Variants in USP34 observed in about 807,000 individuals in gnomAD.
USP34 encodes the protein ubiquitin specific peptidase 34, also known as ubiquitin carboxyl-terminal hydrolase 34.
USP34 carries 70 observed loss-of-function variants against 460.3 expected under a neutral mutation model. That is an observed-to-expected ratio of 0.15 (90% CI 0.13 to 0.19). USP34 has a LOEUF of 0.19. Ranked by LOEUF, USP34 falls within the 10% of genes least tolerant of loss-of-function variation. The pLI is 1.00. For missense variants in USP34, 3,985 were observed against 4,236.2 expected, an observed-to-expected ratio of 0.94 and a Z score of 1.65; for synonymous variants, 1,647 against 1,405.3, an observed-to-expected ratio of 1.17 and a Z score of -3.85.
intron 1 of USP34, among the ~76,000 whole-genome samples, chr2:61,432,434 G>A (rs184393179): frequency 2.0e-5 from 3 of 152,178 alleles, no homozygotes; most frequent in Non-Finnish European, 4.4e-5. Flanking sequence ...CCAGGAGCAT[G>A]CCACTGCACT....
intron 48 of USP34, among the ~76,000 whole-genome samples, chr2:61,255,634 C>T (rs1224774370): frequency 1.3e-5 from 2 of 152,192 alleles, no homozygotes; most frequent in Non-Finnish European, 2.9e-5. Context: ...GAAAGGCTAG[C>T]TAGTACAAAA....
chr2:61,293,376 A>G (rs1465004329), intron 33 of USP34, 88 bp downstream of exon 33: 1 of 975,706 alleles, frequency 1.0e-6, no homozygotes, highest in East Asian at 2.5e-5. Context: ...AAGGAACTAT[A>G]TGGCAAAAGC....
chr2:61,414,697 G>A (rs1190800410), intron 2 of USP34, among the ~76,000 whole-genome samples: 2 of 152,206 alleles, frequency 1.3e-5, no homozygotes, highest in Admixed American at 1.3e-4. Flanking sequence ...GAAAATGAAA[G>A]TATATTCCAC....
At chr2:61,222,736 AC>A in intron 64 of USP34, 73 bp from the exon 65 acceptor site, 1 of 1,426,830 alleles carries the variant, frequency 7.0e-7, no homozygotes, top group Non-Finnish European at 9.7e-7. Flanking sequence ...TCGCTATGTC[AC>A]CCAGGCTGGG....
chr2:61,347,884 G>T lies in USP34; in HGVS notation c.2271C>A (p.His757Gln), dbSNP rs1455812159. The T allele has an allele frequency of 1.2e-6, 2 of 1,612,990 alleles. No homozygotes were observed. The highest frequency in any genetic ancestry group is 1.7e-6 in the Non-Finnish European group (2 of 1,179,204). ...PQHHHHHHHH[H>Q]HHHDGHMVDD... ...AGTAGGCTTACCCATCGTGGTGGTGGTGATGGTGGTGGTGGTGGTGGTGAT... is the reference window on the plus strand; with the variant it reads ...AGTAGGCTTACCCATCGTGGTGGTGTTGATGGTGGTGGTGGTGGTGGTGAT... The change falls in exon 15 of 80, where the codon CAC (histidine) becomes CAA (glutamine). Residue 757 changes from histidine to glutamine, a missense_variant. His to Gln is a conservative substitution (Grantham distance 24). Around this residue, in one of 14 missense-constraint regions of USP34, gnomAD observed 716 missense variants for 626.2 expected, o/e 1.14. Coordinates refer to ENST00000398571, the MANE Select transcript of USP34 (RefSeq NM_014709.4).
At position 61,284,895 on chromosome 2, in the gene USP34, C is replaced by A. The variant is rs372618825; in HGVS notation, c.4812G>T (p.Thr1604=). 3 of 1,610,364 alleles carry A rather than the reference C, an allele frequency of 1.9e-6. No homozygotes were observed. In the South Asian group the frequency reaches 3.3e-5, roughly 18 times the overall value. Reference sequence around the variant, plus strand: ...CATACCTAGGAGCCAGATTATCATACGTATAAGCAACAGACATAAGTCGCT... The same window carrying A: ...CATACCTAGGAGCCAGATTATCATAAGTATAAGCAACAGACATAAGTCGCT... ...LIQRLMSVAY[T]YDNLAPRVLK... Residue 1604 remains threonine (T), a synonymous_variant, in exon 35 of 80, where the codon ACG becomes ACT. Coordinates refer to ENST00000398571, the MANE Select transcript of USP34 (RefSeq NM_014709.4).
intron 76 of USP34, 36 bp from the exon 77 acceptor site, chr2:61,190,694 T>A (rs766099063): frequency 3.2e-6 from 5 of 1,582,152 alleles, no homozygotes; most frequent in Non-Finnish European, 4.3e-6. Flanking sequence ...CACTTACGGT[T>A]GAGCACGGAA....
At chr2:61,360,062 C>A (rs532978102) in intron 10 of USP34, among the ~76,000 whole-genome samples, 1 of 151,958 alleles carries the variant, frequency 6.6e-6, no homozygotes, top group African/African-American at 2.4e-5. Flanking sequence ...GGATGCCTGG[C>A]CAGCTTTTTT....
chr2:61,196,792 C>G (rs147955731), intron 75 of USP34, among the ~76,000 whole-genome samples: 2 of 152,018 alleles, frequency 1.3e-5, no homozygotes, highest in Non-Finnish European at 2.9e-5. Context: ...CTCGGTTTTA[C>G]GGAGTGCTGG....
At chr2:61,421,793 ACACACG>A (rs1179461460) in intron 1 of USP34, among the ~76,000 whole-genome samples, 3 of 147,152 alleles carry the variant, frequency 2.0e-5, no homozygotes, top group Non-Finnish European at 4.5e-5. Context: ...ACACACACAC[ACACACG>A]CGCGCGCGCG....
chr2:61,311,435 A>C (rs1181629816), intron 27 of USP34, 105 bp downstream of exon 27: 1 of 1,263,826 alleles, frequency 7.9e-7, no homozygotes, highest in African/African-American at 1.5e-5. Flanking sequence ...CCAAGAAAGA[A>C]AAGAAAAGGA....
chr2:61,455,376 C>T (rs1468767323), intron 1 of USP34, among the ~76,000 whole-genome samples: 1 of 152,096 alleles, frequency 6.6e-6, no homozygotes. Flanking sequence ...CAGAATTTCA[C>T]CATGTTGCCC....
chr2:61,379,019 C>A (rs1692890543), intron 7 of USP34, among the ~76,000 whole-genome samples: 1 of 126,472 alleles, frequency 7.9e-6, no homozygotes, highest in African/African-American at 3.0e-5. Context: ...AGTAAAAAAA[C>A]ACAACAATTT....
Position 61,470,837 on chromosome 2 carries a change from GGCGGGGA to G in USP34, c.-152_-146del. 1 of 506,644 alleles carries G rather than the reference GGCGGGGA, an allele frequency of 2.0e-6. No individual in the cohort carries two copies. The highest frequency in any genetic ancestry group is 3.5e-6 in the Non-Finnish European group (1 of 282,788). The allele number at this position is 506,644 out of a possible 1,614,324, so 31.4% of individuals were successfully genotyped here. ...CTAGGGCGGGCGGCGGCGGGGACGG[GGCGGGGA>G]GCAAGAGAATGGGGGAGGGGGCCGG... is the stretch of plus-strand genomic sequence containing the variant. On this transcript the variant is annotated 5_prime_UTR_variant, in exon 1 of 80. Coordinates refer to ENST00000398571, the MANE Select transcript of USP34 (RefSeq NM_014709.4).
chr2:61,299,676 G>A (rs898557160), intron 29 of USP34, among the ~76,000 whole-genome samples: 6 of 131,776 alleles, frequency 4.6e-5, no homozygotes, highest in African/African-American at 2.8e-5. Flanking sequence ...ACTTGAACCT[G>A]AGAGATCAAG....
intron 10 of USP34, among the ~76,000 whole-genome samples, chr2:61,369,983 TA>T (rs35212285): frequency 0.37 from 47,371 of 127,564 alleles, 7,656 homozygotes; most frequent in African/African-American, 0.42. Context: ...TATGCCTATT[TA>T]AAAAAAAAAA....
At position 61,301,174 on chromosome 2, in the gene USP34, GA is replaced by G. The variant is rs749310742; in HGVS notation, c.3919-15del. 7.0e-6 allele frequency: 11 copies of G among 1,574,898 alleles called. No individual in the cohort carries two copies. The highest frequency in any genetic ancestry group is 2.3e-5 in the East Asian group (1 of 44,376). ...TACAAATACCATCTATAAAAAACAG[GA>G]AAAAAAATTTATGCATATCAAGCTT... On this transcript the variant is annotated splice_polypyrimidine_tract_variant and intron_variant, in intron 28 of 79. Coordinates refer to ENST00000398571, the MANE Select transcript of USP34 (RefSeq NM_014709.4).
chr2:61,252,273 C>G (rs1267897416), intron 48 of USP34, among the ~76,000 whole-genome samples: 1 of 152,184 alleles, frequency 6.6e-6, no homozygotes, highest in Non-Finnish European at 1.5e-5. Context: ...TACTTAACCT[C>G]TCTGAGCTCA....
chr2:61,322,268 C>A (rs749433098), intron 21 of USP34, among the ~76,000 whole-genome samples: 1 of 151,854 alleles, frequency 6.6e-6, no homozygotes, highest in Admixed American at 6.6e-5. Flanking sequence ...GAAAAAAGGA[C>A]CCTTATGATG....
Sources: gnomAD v4.1 joint callset for allele counts (sites outside exome capture counted in the v4.1 genomes callset) on GRCh38, gnomAD v4.1.1 for gene constraint, gnomAD v4.1.1 regional missense constraint, MANE v1.5 for transcripts, NCBI Gene and HGNC (gene_info 2026-07-23, HGNC 2026-07-21) for gene names.